GORASP2: variants seen among roughly 807,000 people sequenced by gnomAD.
The protein encoded by GORASP2 is golgi reassembly stacking protein 2.
In GORASP2, 22 loss-of-function variants were observed where a neutral mutation model predicts 45.7. That is an observed-to-expected ratio of 0.48 (90% confidence interval 0.34 to 0.69). The LOEUF is 0.69. Among genes scored for constraint, GORASP2 ranks in the 30% least tolerant of loss-of-function variants. The pLI is 0.01. For missense variants in GORASP2, 491 were observed against 562.7 expected (o/e 0.87, Z 1.29); for synonymous variants, 221 against 215.6 (o/e 1.02, Z -0.22).
chr2:170,955,165 A>G (rs1246356666), intron 6 of GORASP2, among the ~76,000 whole-genome samples: 1 of 152,142 alleles, frequency 6.6e-6, no homozygotes, highest in East Asian at 1.9e-4. Flanking sequence ...GCTTCAAGAA[A>G]TCGAACACAG....
chr2:170,959,588 C>T lies in GORASP2; in HGVS notation c.824-2075C>T, dbSNP rs1704504845. Among the ~76,000 whole-genome samples, 2 of 152,212 alleles carry T rather than the reference C, an allele frequency of 1.3e-5. 1 individual carries two copies. Among genetic ancestry groups the T allele is most frequent in the African/African-American group, 4.8e-5 (2 of 41,454 alleles). Reference sequence around the variant, plus strand: ...TTTGATGGGCATTTTTCAGTCTTCACTTTTCATTATATTGCTTGCAAAGTA... The same window carrying T: ...TTTGATGGGCATTTTTCAGTCTTCATTTTTCATTATATTGCTTGCAAAGTA... On this transcript the variant is annotated intron_variant, in intron 7 of 9. Coordinates refer to ENST00000234160, the MANE Select transcript of GORASP2 (RefSeq NM_015530.5).
At position 170,959,063 on chromosome 2, in the gene GORASP2, C is replaced by T. The variant is rs190100269; in HGVS notation, c.823+2504C>T. Among the ~76,000 whole-genome samples the T allele has an allele frequency of 4.1e-3, 624 of 152,090 alleles. 8 individuals are homozygous for T. The highest frequency in any genetic ancestry group is 0.013 in the African/African-American group (544 of 41,480). On this transcript the variant is annotated intron_variant, in intron 7 of 9. Coordinates refer to ENST00000234160, the MANE Select transcript of GORASP2 (RefSeq NM_015530.5). ...GCAACCTCCGCCTCCTGGGTTCAAG[C>T]GATTTTCCTGCCCCAGCCTCCCGAG...
intron 1 of GORASP2, 124 bp downstream of exon 1, chr2:170,929,527 C>G: frequency 1.2e-6 from 1 of 822,968 alleles, no homozygotes; most frequent in Non-Finnish European, 1.8e-6. Flanking sequence ...GAGCGGCGGT[C>G]GCGGGCGCTG....
intron 1 of GORASP2, among the ~76,000 whole-genome samples, chr2:170,939,597 T>G (rs753053358): frequency 6.6e-6 from 1 of 152,338 alleles, no homozygotes; most frequent in Non-Finnish European, 1.5e-5. Context: ...TTATTGTTGT[T>G]AATCTCTTAC....
intron 7 of GORASP2, among the ~76,000 whole-genome samples, chr2:170,957,811 G>T (rs761709618): frequency 6.6e-6 from 1 of 152,008 alleles, no homozygotes; most frequent in Admixed American, 6.6e-5. Flanking sequence ...CGCATTATCA[G>T]TTTTTCTGAA....
In GORASP2 at chr2:170,965,980, G is replaced by A; in HGVS notation, c.1209G>A (p.Lys403=). The change falls in exon 10 of 10, where the codon AAG becomes AAA. Residue 403 remains lysine (K), a synonymous_variant. Coordinates refer to ENST00000234160, the MANE Select transcript of GORASP2 (RefSeq NM_015530.5). The part of the protein sequence containing the change: ...APSDPATTTA[K]ADAASSLTVD... ...CCGACCCTGCCACAACTACTGCAAA[G>A]GCAGACGCTGCCTCCTCACTCACTG... The A allele has an allele frequency of 6.2e-7, 1 of 1,613,934 alleles. No individual in the cohort carries two copies. The highest frequency in any genetic ancestry group is 8.5e-7 in the Non-Finnish European group (1 of 1,179,910).
chr2:170,938,896 G>A (rs557683229), intron 1 of GORASP2, among the ~76,000 whole-genome samples: 5 of 152,318 alleles, frequency 3.3e-5, no homozygotes, highest in African/African-American at 1.2e-4. Flanking sequence ...GGGAGGCTGA[G>A]GCAGGAGAAT....
In GORASP2 at chr2:170,949,611, A is replaced by G; in HGVS notation, c.217A>G (p.Ser73Gly). 1 of 1,613,978 alleles carries G rather than the reference A, an allele frequency of 6.2e-7. No homozygotes were observed. Among genetic ancestry groups the G allele is most frequent in the Non-Finnish European group, 8.5e-7 (1 of 1,179,816 alleles). Reference sequence around the variant, plus strand: ...AAAGCCTGTAAAGATGCTTATCTATAGCAGCAAAACATTGGAACTGCGAGA... The same window carrying G: ...AAAGCCTGTAAAGATGCTTATCTATGGCAGCAAAACATTGGAACTGCGAGA... ...VEKPVKMLIY[S>G]SKTLELRETS... The change falls in exon 3 of 10, where the codon AGC (serine) becomes GGC (glycine). Residue 73 changes from serine (S) to glycine (G), a missense_variant. Physicochemically the swap from Ser to Gly is moderately conservative, Grantham distance 56. Transcript: ENST00000234160.
rs565414662 is a variant in GORASP2, at chr2:170,961,965, G to A, written c.910+216G>A. ...GTCATTTACCAGCTAGTTAGCTGCC[G>A]AGCCTAGTGCTCCTTACCCCCAGCC... On this transcript the variant is annotated intron_variant, in intron 8 of 9. Coordinates refer to ENST00000234160, the MANE Select transcript of GORASP2 (RefSeq NM_015530.5). 5.9e-5 allele frequency among the ~76,000 whole-genome samples: 9 copies of A among 152,304 alleles called. No individual in the cohort carries two copies. In the South Asian group the frequency reaches 6.2e-4, roughly 11 times the overall value.
At chr2:170,929,095 C>T (rs1703747579), upstream of GORASP2, 1 of 385,264 alleles carries the variant, frequency 2.6e-6, no homozygotes. Context: ...TCCGGCCCTC[C>T]CTCTCCGCCC....
In GORASP2 at chr2:170,966,336, G is replaced by T. The variant is rs183267992; in HGVS notation, c.*206G>T. Reference sequence around the variant, plus strand: ...ACGCTAGGGTGAGATGTCAGAAAGCGCTTGTATTTTAAACAACCAAAAAGA... The same window carrying T: ...ACGCTAGGGTGAGATGTCAGAAAGCTCTTGTATTTTAAACAACCAAAAAGA... On this transcript the variant is annotated 3_prime_UTR_variant, in exon 10 of 10. Transcript: ENST00000234160. 1 of 583,022 alleles carries T rather than the reference G, an allele frequency of 1.7e-6. No individual in the cohort carries two copies. Among genetic ancestry groups the T allele is most frequent in the Non-Finnish European group, 3.0e-6 (1 of 328,206 alleles). 36.1% of individuals were successfully genotyped at this position (583,022 alleles called of 1,614,324 possible). A position where few individuals can be genotyped will look rare whatever the true frequency, so the allele number is the denominator to read the frequency against.
chr2:170,946,852 A>G (rs1704191142), intron 1 of GORASP2, among the ~76,000 whole-genome samples: 1 of 152,056 alleles, frequency 6.6e-6, no homozygotes, highest in East Asian at 1.9e-4. Context: ...AGGCACAAGA[A>G]TTGCTTGAAC....
chr2:170,934,289 T>G (rs1023526103), intron 1 of GORASP2, among the ~76,000 whole-genome samples: 6 of 152,284 alleles, frequency 3.9e-5, no homozygotes, highest in Non-Finnish European at 2.9e-5. Flanking sequence ...GTTTTGTTTT[T>G]TTTGAGATGG....
At chr2:170,945,502 A>T (rs984298464) in intron 1 of GORASP2, among the ~76,000 whole-genome samples, 2 of 26,452 alleles carry the variant, frequency 7.6e-5, no homozygotes, top group African/African-American at 1.4e-4. Context: ...ACCTTGTCTC[A>T]AAAAAAAAAA....
chr2:170,961,310 T>C (rs1052257123), intron 7 of GORASP2, among the ~76,000 whole-genome samples: 2 of 152,214 alleles, frequency 1.3e-5, no homozygotes, highest in Non-Finnish European at 2.9e-5. Context: ...AGGAGCCCAG[T>C]TGAGATTGAC....
chr2:170,949,531 G>A lies in GORASP2; in HGVS notation c.145-8G>A, dbSNP rs1175029028. The A allele has an allele frequency of 1.2e-6, 2 of 1,606,214 alleles. No individual in the cohort carries two copies. Among genetic ancestry groups the A allele is most frequent in the African/African-American group, 1.3e-5 (1 of 74,730 alleles). On this transcript the variant is annotated splice_polypyrimidine_tract_variant and splice_region_variant and intron_variant, in intron 2 of 9. Transcript: ENST00000234160. ...TTACTAAGGAATGTGATTTCTATGTGTTCACAGAATAAAGACAATGACACT... is the reference window on the plus strand; with the variant it reads ...TTACTAAGGAATGTGATTTCTATGTATTCACAGAATAAAGACAATGACACT...
rs747475995 is a variant in GORASP2 at position 170,962,777 on chromosome 2, AG to A, written c.911-60del. 35 of 1,101,056 alleles carry A rather than the reference AG, an allele frequency of 3.2e-5. 1 individual carries two copies. Among genetic ancestry groups the A allele is most frequent in the Middle Eastern group, 3.9e-4 (2 of 5,090 alleles). The allele number at this position is 1,101,056 out of a possible 1,614,324, so 68.2% of individuals were successfully genotyped here. A position where few individuals can be genotyped will look rare whatever the true frequency, so the allele number is the denominator to read the frequency against. ...TGGCTGGGATTGTTTTTAATACACG[AG>A]GATTTATTTCTTCCCCAGGTCAAGT... On this transcript the variant is annotated intron_variant, in intron 8 of 9. Coordinates refer to ENST00000234160, the MANE Select transcript of GORASP2 (RefSeq NM_015530.5).
chr2:170,958,021 C>T (rs1187108277), intron 7 of GORASP2, among the ~76,000 whole-genome samples: 3 of 152,054 alleles, frequency 2.0e-5, no homozygotes, highest in African/African-American at 7.2e-5. Flanking sequence ...GTTTATATCC[C>T]ACTTTGTTCT....
chr2:170,956,522 C>T lies in GORASP2; in HGVS notation c.786C>T (p.Ser262=). ...AGAGTCTGACTGGACTTTCTATTAG[C>T]TCAACTCCACCAGCTGTCAGTAGTG... The part of the protein sequence containing the change: ...IEQSLTGLSI[S]STPPAVSSVL... The change falls in exon 7 of 10, where the codon AGC becomes AGT. Residue 262 remains serine (S), a synonymous_variant. Transcript: ENST00000234160. 6.2e-7 allele frequency: 1 copy of T among 1,612,902 alleles called. No homozygotes were observed. The highest frequency in any genetic ancestry group is 1.1e-5 in the South Asian group (1 of 91,012).
Sources: gnomAD v4.1 joint callset for allele counts (sites outside exome capture counted in the v4.1 genomes callset) on GRCh38, gnomAD v4.1.1 for gene constraint, MANE v1.5 for transcripts, NCBI Gene and HGNC (gene_info 2026-07-23, HGNC 2026-07-21) for gene names.